Variants in ZNF248 observed in about 807,000 individuals in gnomAD.
ZNF248 encodes zinc finger protein 248, also known as KRAB protein domain.
A neutral mutation model predicts 44.3 loss-of-function variants in ZNF248; 20 were observed. The observed-to-expected ratio is 0.45, with a 90% CI of 0.32 to 0.66. ZNF248 has a LOEUF of 0.66. Among genes scored for constraint, ZNF248 ranks in the 30% least tolerant of loss-of-function variants. The pLI, the probability that ZNF248 is intolerant of heterozygous loss-of-function variation, is 0.04. For synonymous variants in ZNF248, 224 were observed against 229.0 expected (o/e 0.98, Z 0.20); for missense variants, 654 against 677.0 (o/e 0.97, Z 0.38).
chr10:37,833,054 A>G lies in ZNF248; in HGVS notation c.301T>C (p.Trp101Arg). Residue 101 changes from tryptophan (W) to arginine (R), a missense_variant, in exon 6 of 6, where the codon TGG (tryptophan) becomes CGG (arginine). Trp to Arg is a moderately radical substitution (Grantham distance 101, BLOSUM62 -3). Transcript: ENST00000395867. The stretch of plus-strand genomic sequence containing the variant: ...TTGTTGTTGTGGAATAGAAGCTCCC[A>G]AAAATGGTCATCTTCATTTTCCTGG... ...SSQENEDDHF[W>R]ELLFHNNKTV... 1 of 1,611,096 alleles carries G rather than the reference A, an allele frequency of 6.2e-7. No individual in the cohort carries two copies. Among genetic ancestry groups the G allele is most frequent in the Non-Finnish European group, 8.5e-7 (1 of 1,179,082 alleles).
chr10:37,798,275 C>T (rs1209793789), intron 6 of ZNF248, among the ~76,000 whole-genome samples: 1 of 151,992 alleles, frequency 6.6e-6, no homozygotes, highest in Non-Finnish European at 1.5e-5. Flanking sequence ...TTTACACAAA[C>T]AAAAAGCCAA....
At chr10:37,790,543 C>T (rs2048380158) in intron 6 of ZNF248, among the ~76,000 whole-genome samples, 1 of 151,582 alleles carries the variant, frequency 6.6e-6, no homozygotes, top group Non-Finnish European at 1.5e-5. Context: ...AACCCCGTTT[C>T]TACTAAAAAT....
the ZNF248 span, among the ~76,000 whole-genome samples, chr10:37,768,757 G>T: frequency 2.6e-5 from 4 of 152,106 alleles, no homozygotes; most frequent in East Asian, 7.7e-4. Flanking sequence ...CAGAAGGCAA[G>T]AATTAACTAA....
intron 6 of ZNF248, among the ~76,000 whole-genome samples, chr10:37,789,789 G>T (rs940844624): frequency 2.0e-5 from 3 of 152,172 alleles, no homozygotes; most frequent in Admixed American, 6.5e-5. Flanking sequence ...GACTAACACA[G>T]ATAGGGGAAG....
chr10:37,779,399 G>A (rs2047007014), intron 6 of ZNF248, among the ~76,000 whole-genome samples: 1 of 152,058 alleles, frequency 6.6e-6, no homozygotes, highest in East Asian at 1.9e-4. Flanking sequence ...TATAAACAGA[G>A]CCAAAGACAA....
At chr10:37,815,991 GAAA>G (rs71007668) in intron 6 of ZNF248, among the ~76,000 whole-genome samples, 1 of 130,140 alleles carries the variant, frequency 7.7e-6, no homozygotes, top group Non-Finnish European at 1.6e-5. Context: ...TCCGATAATG[GAAA>G]AAAAAAAAAA....
intron 6 of ZNF248, among the ~76,000 whole-genome samples, chr10:37,789,765 A>G (rs965668025): frequency 6.6e-6 from 1 of 152,186 alleles, no homozygotes. Flanking sequence ...GCCTGTATTC[A>G]TCTCTTTACA....
chr10:37,767,743 T>A, the ZNF248 span, among the ~76,000 whole-genome samples: 1 of 152,154 alleles, frequency 6.6e-6, no homozygotes, highest in African/African-American at 2.4e-5. Context: ...CCAGCTAACA[T>A]CATAATGACA....
chr10:37,802,002 A>G (rs2049892956), intron 6 of ZNF248, among the ~76,000 whole-genome samples: 1 of 152,224 alleles, frequency 6.6e-6, no homozygotes, highest in South Asian at 2.1e-4. Flanking sequence ...GAGAAAGATC[A>G]AAAATCTGCA....
chr10:37,822,806 A>G (rs951514573), intron 6 of ZNF248, among the ~76,000 whole-genome samples: 16 of 152,290 alleles, frequency 1.1e-4, no homozygotes, highest in East Asian at 5.8e-4. Context: ...AAAATTTACA[A>G]ATTTGTGTTG....
At chr10:37,834,288 T>C (rs1473103208) in intron 5 of ZNF248, among the ~76,000 whole-genome samples, 2 of 152,168 alleles carry the variant, frequency 1.3e-5, no homozygotes, top group African/African-American at 4.8e-5. Context: ...CCTTGCTCAA[T>C]GCTATCGCCC....
chr10:37,817,515 C>T (rs968473206), intron 6 of ZNF248, among the ~76,000 whole-genome samples: 9 of 152,094 alleles, frequency 5.9e-5, no homozygotes, highest in African/African-American at 2.2e-4. Context: ...AAAACCCACA[C>T]ATCTCAGTAC....
intron 3 of ZNF248, among the ~76,000 whole-genome samples, chr10:37,851,504 A>G (rs2134749575): frequency 6.6e-6 from 1 of 152,240 alleles, no homozygotes; most frequent in South Asian, 2.1e-4. Context: ...CTGGAATTCA[A>G]AGCCACCTCT....
chr10:37,782,540 C>A (rs1053747626), intron 6 of ZNF248, among the ~76,000 whole-genome samples: 1 of 152,044 alleles, frequency 6.6e-6, no homozygotes, highest in Admixed American at 6.6e-5. Flanking sequence ...CACACGGTAC[C>A]TGTGAATGTA....
At chr10:37,839,234 A>G (rs944693508) in intron 3 of ZNF248, among the ~76,000 whole-genome samples, 10 of 152,180 alleles carry the variant, frequency 6.6e-5, no homozygotes, top group African/African-American at 2.4e-4. Context: ...GTCACATGTC[A>G]TTGCTAGAGG....
In ZNF248 at chr10:37,857,589, A is replaced by C. The variant is rs929817143; in HGVS notation, c.-530T>G. The C allele has an allele frequency of 1.3e-5, 2 of 152,318 alleles. No homozygotes were observed. Among genetic ancestry groups the C allele is most frequent in the Non-Finnish European group, 2.9e-5 (2 of 68,112 alleles). The allele number at this position is 152,318 out of a possible 1,614,324, so 9.4% of individuals were successfully genotyped here. The stretch of plus-strand genomic sequence containing the variant: ...AATTCATTTGTCGCGGACCTGGCGC[A>C]GTCGCTCTCCCCCGCAGCCCCGCCT... On this transcript the variant is annotated 5_prime_UTR_variant, in exon 1 of 6. Transcript: ENST00000395867.
At chr10:37,800,954 G>T (rs1312229136) in intron 6 of ZNF248, among the ~76,000 whole-genome samples, 1 of 151,550 alleles carries the variant, frequency 6.6e-6, no homozygotes, top group African/African-American at 2.4e-5. Flanking sequence ...TAGAGATGGG[G>T]TTTCACCATA....
chr10:37,819,954 A>C lies in ZNF248; in HGVS notation c.330+13071T>G, dbSNP rs972156869. On this transcript the variant is annotated intron_variant, in intron 6 of 6. Transcript: ENST00000615949. Reference sequence around the variant, plus strand: ...ACGAGGCCCCATGTCGGACAGTAGTAAAGCGGCCCCATCTCAAGCGGTCTT... The same window carrying C: ...ACGAGGCCCCATGTCGGACAGTAGTCAAGCGGCCCCATCTCAAGCGGTCTT... The C allele has an allele frequency of 5.2e-6, 4 of 768,312 alleles. No individual in the cohort carries two copies. The African/African-American group carries it at 6.8e-5, about 13-fold the overall frequency. The allele number at this position is 768,312 out of a possible 1,614,324, so 47.6% of individuals were successfully genotyped here. A position where few individuals can be genotyped will look rare whatever the true frequency, so the allele number is the denominator to read the frequency against.
At chr10:37,788,704 A>G (rs1410067533) in intron 6 of ZNF248, among the ~76,000 whole-genome samples, 1 of 152,202 alleles carries the variant, frequency 6.6e-6, no homozygotes, top group Non-Finnish European at 1.5e-5. Flanking sequence ...ACAATAAGAT[A>G]CCACTACATA....
Sources: allele counts gnomAD v4.1 joint callset (sites outside exome capture counted in the v4.1 genomes callset), GRCh38; gene constraint gnomAD v4.1.1; transcripts MANE v1.5; gene names NCBI Gene and HGNC (gene_info 2026-07-23, HGNC 2026-07-21).